Variants in NRG3 observed in about 807,000 individuals in gnomAD.
NRG3 encodes neuregulin 3.
NRG3 carries 31 observed loss-of-function variants against 66.9 expected under a neutral mutation model. That is an observed-to-expected ratio of 0.46 (90% confidence interval 0.35 to 0.63). The LOEUF (loss-of-function observed/expected upper bound fraction) is 0.63, where lower values mean the gene tolerates loss of function less well. Among genes scored for constraint, NRG3 ranks in the 20% least tolerant of loss-of-function variants. The pLI is 0.00. For synonymous variants in NRG3, 393 were observed against 359.4 expected, an observed-to-expected ratio of 1.09 and a Z score of -1.06; for missense variants, 910 against 878.9, an observed-to-expected ratio of 1.04 and a Z score of -0.45.
intron 3 of NRG3, among the ~76,000 whole-genome samples, chr10:82,855,949 G>A (rs1244838087): frequency 6.6e-6 from 1 of 152,142 alleles, no homozygotes; most frequent in African/African-American, 2.4e-5. Context: ...CCATGAGTTG[G>A]ACCCTGTTGG....
intron 1 of NRG3, among the ~76,000 whole-genome samples, chr10:81,997,844 C>T (rs2061001398): frequency 6.7e-6 from 1 of 148,716 alleles, no homozygotes; most frequent in East Asian, 2.1e-4. Flanking sequence ...ATGTCTGCCC[C>T]CCACCCCCCA....
chr10:82,089,104 A>G (rs2065886293), intron 1 of NRG3, among the ~76,000 whole-genome samples: 1 of 152,128 alleles, frequency 6.6e-6, no homozygotes, highest in African/African-American at 2.4e-5. Flanking sequence ...CTTATTTCAA[A>G]TCCAGGTACA....
intron 2 of NRG3, among the ~76,000 whole-genome samples, chr10:82,581,644 T>C (rs1422073675): frequency 6.6e-6 from 1 of 152,010 alleles, no homozygotes; most frequent in Non-Finnish European, 1.5e-5. Flanking sequence ...ATTGTGGAGA[T>C]AAATGTTGGT....
chr10:82,466,304 TC>T (rs1290694487), intron 2 of NRG3, among the ~76,000 whole-genome samples: 1 of 152,018 alleles, frequency 6.6e-6, no homozygotes, highest in African/African-American at 2.4e-5. Flanking sequence ...CAGGCTTTCT[TC>T]CCCAAAAAGA....
chr10:82,687,180 A>G (rs2054579761), intron 2 of NRG3, among the ~76,000 whole-genome samples: 1 of 152,198 alleles, frequency 6.6e-6, no homozygotes, highest in Admixed American at 6.5e-5. Context: ...CCCAAGGCAT[A>G]ATGGGCTTCA....
chr10:82,600,778 T>C (rs2047577468), intron 2 of NRG3, among the ~76,000 whole-genome samples: 1 of 152,112 alleles, frequency 6.6e-6, no homozygotes, highest in South Asian at 2.1e-4. Flanking sequence ...ATATCTCATT[T>C]ATTTTTATTT....
chr10:81,901,696 A>T (rs1247414309), intron 1 of NRG3, among the ~76,000 whole-genome samples: 1 of 152,182 alleles, frequency 6.6e-6, no homozygotes, highest in Admixed American at 6.6e-5. Flanking sequence ...TAAAATACAT[A>T]GCTTATGTAT....
chr10:82,757,219 C>T (rs1216053562), intron 3 of NRG3, among the ~76,000 whole-genome samples: 1 of 152,036 alleles, frequency 6.6e-6, no homozygotes, highest in East Asian at 1.9e-4. Flanking sequence ...TGATGAAAAT[C>T]TGCAAAGATA....
At chr10:82,269,166 A>G (rs1174953030) in intron 1 of NRG3, among the ~76,000 whole-genome samples, 1 of 152,024 alleles carries the variant, frequency 6.6e-6, no homozygotes, top group African/African-American at 2.4e-5. Flanking sequence ...ACTAGTCACT[A>G]TTTTATCCAC....
chr10:82,720,389 C>T (rs1308527464), intron 2 of NRG3, among the ~76,000 whole-genome samples: 4 of 151,070 alleles, frequency 2.6e-5, no homozygotes, highest in Admixed American at 2.0e-4. Context: ...AAAAAAAAAA[C>T]AAAACTAACA....
intron 2 of NRG3, among the ~76,000 whole-genome samples, chr10:82,713,132 A>G (rs1014065619): frequency 6.8e-6 from 1 of 147,328 alleles, no homozygotes; most frequent in Non-Finnish European, 1.5e-5. Flanking sequence ...AAAAAAAAAA[A>G]AAAAAAAAAA....
intron 1 of NRG3, among the ~76,000 whole-genome samples, chr10:81,950,127 A>G (rs1481858468): frequency 1.3e-5 from 2 of 152,168 alleles, no homozygotes; most frequent in African/African-American, 4.8e-5. Context: ...GATGATTACT[A>G]TTCCAAATGT....
chr10:82,766,397 T>A (rs1230973366), intron 3 of NRG3, among the ~76,000 whole-genome samples: 1 of 152,168 alleles, frequency 6.6e-6, no homozygotes. Context: ...CCACAACTAG[T>A]CACAGACTTA....
At chr10:82,715,213 G>T (rs1021839324) in intron 2 of NRG3, among the ~76,000 whole-genome samples, 3 of 152,164 alleles carry the variant, frequency 2.0e-5, no homozygotes, top group Non-Finnish European at 2.9e-5. Flanking sequence ...TGAGCAACAT[G>T]GCAAAACCCC....
chr10:82,777,215 G>A (rs1426283077), intron 3 of NRG3, among the ~76,000 whole-genome samples: 1 of 152,138 alleles, frequency 6.6e-6, no homozygotes, highest in African/African-American at 2.4e-5. Context: ...AGTTGCCTCA[G>A]TGGTCTACAC....
chr10:82,392,749 G>C (rs2086464377), intron 2 of NRG3, among the ~76,000 whole-genome samples: 1 of 152,072 alleles, frequency 6.6e-6, no homozygotes, highest in South Asian at 2.1e-4. Context: ...TTGGCTGGCA[G>C]AACATGTATC....
In NRG3 at chr10:82,402,746, G is replaced by A. The variant is rs539120310; in HGVS notation, c.953+43878G>A. ...GGCATTCAGAATTAGATTCAAATAC[G>A]TCTATGTGGGTGCCTGTGCGTGTGT... On this transcript the variant is annotated intron_variant, in intron 2 of 8. Coordinates refer to ENST00000372141, the MANE Select transcript of NRG3 (RefSeq NM_001010848.4). Among the ~76,000 whole-genome samples, 6 of 152,118 alleles carry A rather than the reference G, an allele frequency of 3.9e-5. No homozygotes were observed. In the East Asian group the frequency reaches 5.8e-4, roughly 15 times the overall value.
intron 1 of NRG3, among the ~76,000 whole-genome samples, chr10:82,181,303 G>T (rs530428968): frequency 7.3e-5 from 11 of 151,212 alleles, no homozygotes; most frequent in African/African-American, 2.4e-4. Context: ...ATCCAGTTTG[G>T]TCTTTTCCTA....
intron 1 of NRG3, among the ~76,000 whole-genome samples, chr10:82,183,866 G>A (rs1488119418): frequency 1.3e-5 from 2 of 152,102 alleles, no homozygotes; most frequent in Non-Finnish European, 2.9e-5. Context: ...AGGTGAGGAA[G>A]ATGGTTATCT....
Sources: allele counts gnomAD v4.1 joint callset (sites outside exome capture counted in the v4.1 genomes callset), GRCh38; gene constraint gnomAD v4.1.1; transcripts MANE v1.5; gene names NCBI Gene and HGNC (gene_info 2026-07-23, HGNC 2026-07-21).